The following SEL1L2 variants were observed in gnomAD, a reference collection of about 807,000 sequenced individuals.
The protein encoded by SEL1L2 is SEL1L2 adaptor subunit of SYVN1 ubiquitin ligase, also known as protein sel-1 homolog 2.
Under a neutral mutation model 98.8 loss-of-function variants are expected in SEL1L2, and 89 were observed. The observed-to-expected ratio is 0.90, with a 90% confidence interval of 0.76 to 1.07. SEL1L2 has a LOEUF of 1.07. Ranked by LOEUF, SEL1L2 falls within the 50% of genes least tolerant of loss-of-function variation. SEL1L2 has a pLI of 0.00. For synonymous variants in SEL1L2, 262 were observed against 278.5 expected (o/e 0.94, Z 0.59); for missense variants, 788 against 812.0 (o/e 0.97, Z 0.36).
At position 13,859,279 on chromosome 20, in the gene SEL1L2, CGTGTT is replaced by C. The variant is rs752501573; in HGVS notation, c.1796_1800del (p.Glu599GlyfsTer49). On this transcript the variant is annotated frameshift_variant, in exon 18 of 20. Coordinates refer to ENST00000284951, the MANE Select transcript of SEL1L2 (RefSeq NM_025229.2). LOFTEE classifies it high-confidence loss of function. ...AAAATTACCTTTGTGATGCCTAAGC[CGTGTT>C]CATACATATAAGCCAGATTGAACAT... 9.8e-5 allele frequency: 158 copies of C among 1,614,040 alleles called. 1 individual carries two copies. The East Asian group carries it at 3.5e-3, about 35-fold the overall frequency.
chr20:13,873,642 G>T (rs972341822), intron 12 of SEL1L2, among the ~76,000 whole-genome samples: 6 of 152,316 alleles, frequency 3.9e-5, no homozygotes, highest in Admixed American at 1.3e-4. Context: ...TTACAGGCGT[G>T]ATCCACCATG....
intron 1 of SEL1L2, among the ~76,000 whole-genome samples, chr20:13,959,532 C>T (rs953275331): frequency 7.2e-5 from 11 of 152,190 alleles, no homozygotes; most frequent in Admixed American, 2.0e-4. Context: ...GACCGCTCGT[C>T]GTACAACCAA....
At chr20:13,979,738 C>A (rs2051718589) in intron 1 of SEL1L2, among the ~76,000 whole-genome samples, 1 of 151,954 alleles carries the variant, frequency 6.6e-6, no homozygotes, top group South Asian at 2.1e-4. Context: ...AAGCATAAGA[C>A]CAGAAACTCT....
At chr20:13,931,805 A>T in intron 2 of SEL1L2, 34 bp from the exon 3 acceptor site, 1 of 1,444,192 alleles carries the variant, frequency 6.9e-7, no homozygotes, top group Non-Finnish European at 9.2e-7. Context: ...CATTTTGTTC[A>T]TGTGTGAGTT....
intron 2 of SEL1L2, among the ~76,000 whole-genome samples, chr20:13,942,349 G>C (rs1042443043): frequency 1.3e-5 from 2 of 152,214 alleles, no homozygotes; most frequent in African/African-American, 4.8e-5. Context: ...TCAAGAGCAA[G>C]TGAAAAACAA....
intron 5 of SEL1L2, among the ~76,000 whole-genome samples, chr20:13,899,441 A>G (rs1222489734): frequency 1.3e-5 from 2 of 152,158 alleles, no homozygotes; most frequent in African/African-American, 4.8e-5. Flanking sequence ...TCTTCTTAGC[A>G]TAATAATAAA....
chr20:13,892,424 T>G (rs2047243194), intron 5 of SEL1L2, among the ~76,000 whole-genome samples: 1 of 149,764 alleles, frequency 6.7e-6, no homozygotes, highest in South Asian at 2.1e-4. Context: ...CACTCCAGCC[T>G]GGGCTACAGA....
intron 2 of SEL1L2, among the ~76,000 whole-genome samples, chr20:13,949,615 C>A (rs6110094): frequency 0.9 from 136,960 of 152,048 alleles, 61,866 homozygotes; most frequent in East Asian, 1. Context: ...GTAAGCCAAG[C>A]TCGTGCCACT....
upstream of SEL1L2, among the ~76,000 whole-genome samples, chr20:13,991,226 A>G (rs997762877): frequency 6.6e-6 from 1 of 152,242 alleles, no homozygotes; most frequent in East Asian, 1.9e-4. Flanking sequence ...CAAGGCACAG[A>G]GCTAGTTGAG....
At chr20:13,890,362 CAGA>C (rs1326688867) in intron 5 of SEL1L2, among the ~76,000 whole-genome samples, 1 of 151,018 alleles carries the variant, frequency 6.6e-6, no homozygotes, top group African/African-American at 2.4e-5. Context: ...GTACCACAGA[CAGA>C]AGGAGAAAGA....
upstream of SEL1L2, among the ~76,000 whole-genome samples, chr20:13,990,820 A>C (rs1052829257): frequency 2.6e-5 from 4 of 152,216 alleles, no homozygotes; most frequent in Admixed American, 2.0e-4. Context: ...AAGGGACCAG[A>C]AGTCCGACTC....
chr20:13,941,604 C>A (rs1226917995), intron 2 of SEL1L2, among the ~76,000 whole-genome samples: 1 of 152,102 alleles, frequency 6.6e-6, no homozygotes, highest in Non-Finnish European at 1.5e-5. Context: ...ATAGGAGATT[C>A]CATTTACAGA....
chr20:13,969,914 C>G (rs191968905), intron 1 of SEL1L2, among the ~76,000 whole-genome samples: 8 of 152,232 alleles, frequency 5.3e-5, no homozygotes, highest in Admixed American at 2.0e-4. Context: ...ATCATCCGTT[C>G]TTGGTACATC....
At chr20:13,952,387 A>G (rs916970699) in intron 2 of SEL1L2, among the ~76,000 whole-genome samples, 4 of 152,216 alleles carry the variant, frequency 2.6e-5, no homozygotes, top group Non-Finnish European at 5.9e-5. Flanking sequence ...TCATGCTAGT[A>G]TCCATGGCAT....
At chr20:13,927,242 C>T (rs1286559035) in intron 3 of SEL1L2, among the ~76,000 whole-genome samples, 2 of 152,206 alleles carry the variant, frequency 1.3e-5, no homozygotes, top group African/African-American at 4.8e-5. Context: ...ACACAGCATA[C>T]AGAGAATGCT....
chr20:13,892,745 T>C (rs1208799596), intron 5 of SEL1L2, among the ~76,000 whole-genome samples: 1 of 152,168 alleles, frequency 6.6e-6, no homozygotes, highest in African/African-American at 2.4e-5. Context: ...AGTGACTGAA[T>C]GAATAAGAAA....
At chr20:13,936,790 AG>A (rs1206988296) in intron 2 of SEL1L2, among the ~76,000 whole-genome samples, 1 of 152,230 alleles carries the variant, frequency 6.6e-6, no homozygotes, top group Non-Finnish European at 1.5e-5. Flanking sequence ...TACATCTATC[AG>A]GGCAGAAGAC....
At chr20:13,982,053 T>A (rs1009798931) in intron 1 of SEL1L2, among the ~76,000 whole-genome samples, 1 of 152,182 alleles carries the variant, frequency 6.6e-6, no homozygotes, top group Non-Finnish European at 1.5e-5. Context: ...AGGCAACTGC[T>A]TTCTGGACTC....
intron 1 of SEL1L2, among the ~76,000 whole-genome samples, chr20:13,982,580 A>C (rs113835686): frequency 0.023 from 3,466 of 151,854 alleles, 51 homozygotes; most frequent in Non-Finnish European, 0.038. Flanking sequence ...AAAATTAAAA[A>C]AAAGAAAAAA....
Sources: gnomAD v4.1 joint callset for allele counts (sites outside exome capture counted in the v4.1 genomes callset) on GRCh38, gnomAD v4.1.1 for gene constraint, MANE v1.5 for transcripts, NCBI Gene and HGNC (gene_info 2026-07-23, HGNC 2026-07-21) for gene names.